The following SLC8A1 variants were observed in gnomAD, a reference collection of about 807,000 sequenced individuals.
SLC8A1 encodes the protein sodium/calcium exchanger 1.
A neutral mutation model predicts 68.3 loss-of-function variants in SLC8A1; 18 were observed. That is an observed-to-expected ratio of 0.26 (90% CI 0.18 to 0.39). SLC8A1 has a LOEUF of 0.39. SLC8A1 is among the 10% of genes least tolerant of loss of function. The pLI is 1.00. For missense variants in SLC8A1, 985 were observed against 1,156.7 expected (o/e 0.85, Z 2.15); for synonymous variants, 475 against 415.5 (o/e 1.14, Z -1.74).
intron 2 of SLC8A1, among the ~76,000 whole-genome samples, chr2:40,190,141 G>A (rs1029576282): frequency 6.6e-6 from 1 of 152,100 alleles, no homozygotes; most frequent in African/African-American, 2.4e-5. Context: ...TAAATCACTC[G>A]CAAATGCCAT....
At chr2:40,396,839 ATTCCAGTGATAATGACCTGAC>A (rs1261996405) in intron 2 of SLC8A1, among the ~76,000 whole-genome samples, 1 of 151,114 alleles carries the variant, frequency 6.6e-6, no homozygotes, top group African/African-American at 2.4e-5. Flanking sequence ...AATGACAATT[ATTCCAGTGATAATGACCTGAC>A]TTTTTGGGTT....
exon 8 of SLC8A1, chr2:40,111,522 T>G (rs1189524275): frequency 6.6e-6 from 1 of 152,150 alleles, no homozygotes; most frequent in Non-Finnish European, 1.5e-5. Context: ...AAAGTAGCAT[T>G]TACTTGTACA....
intron 1 of SLC8A1, among the ~76,000 whole-genome samples, chr2:40,431,152 C>A (rs1025843856): frequency 6.6e-6 from 1 of 152,052 alleles, no homozygotes; most frequent in African/African-American, 2.4e-5. Context: ...GCCTGTTTTT[C>A]TGCAGGCTGG....
chr2:40,455,152 C>T, upstream of SLC8A1, among the ~76,000 whole-genome samples: 1 of 152,122 alleles, frequency 6.6e-6, no homozygotes, highest in East Asian at 1.9e-4. Flanking sequence ...AAACTATTTC[C>T]TAGGAAACCT....
In SLC8A1 at chr2:40,420,294, C is replaced by T. The variant is rs185158329; in HGVS notation, c.1808+8179G>A. 1.6e-4 allele frequency among the ~76,000 whole-genome samples: 24 copies of T among 151,334 alleles called. No homozygotes were observed. The East Asian group carries it at 4.1e-3, about 26-fold the overall frequency. On this transcript the variant is annotated intron_variant, in intron 2 of 7. Transcript: ENST00000406785. ...TTTTAACCTCTTTTTAGTGCTGACA[C>T]AAGGTAATAGCATCCCCTGATACTA...
At chr2:40,152,218 A>C (rs540857544) in intron 6 of SLC8A1, among the ~76,000 whole-genome samples, 1 of 152,314 alleles carries the variant, frequency 6.6e-6, no homozygotes, top group East Asian at 1.9e-4. Context: ...TATTTCTTGA[A>C]AGGTACTTGA....
At chr2:40,158,982 C>T (rs144132373) in intron 6 of SLC8A1, among the ~76,000 whole-genome samples, 1 of 152,108 alleles carries the variant, frequency 6.6e-6, no homozygotes, top group Non-Finnish European at 1.5e-5. Flanking sequence ...TTAAAGCTGC[C>T]CTTTTCTATT....
upstream of SLC8A1, among the ~76,000 whole-genome samples, chr2:40,454,509 A>G (rs1249975152): frequency 7.8e-6 from 1 of 128,488 alleles, no homozygotes; most frequent in Non-Finnish European, 1.6e-5. Context: ...TGCTTTGACC[A>G]TTGAAACTGA....
intron 1 of SLC8A1, among the ~76,000 whole-genome samples, chr2:40,482,321 C>T (rs1396748575): frequency 6.6e-6 from 1 of 152,076 alleles, no homozygotes; most frequent in Non-Finnish European, 1.5e-5. Flanking sequence ...GCAGAACTGC[C>T]AGGGGAGGCT....
intron 2 of SLC8A1, among the ~76,000 whole-genome samples, chr2:40,419,922 T>C (rs140399494): frequency 6.6e-6 from 1 of 152,270 alleles, no homozygotes; most frequent in African/African-American, 2.4e-5. Flanking sequence ...AGACCAATAA[T>C]TTGCCGGCAA....
intron 2 of SLC8A1, among the ~76,000 whole-genome samples, chr2:40,348,883 A>G (rs1265439326): frequency 6.6e-6 from 1 of 152,196 alleles, no homozygotes; most frequent in African/African-American, 2.4e-5. Flanking sequence ...ATGGGCCTTC[A>G]TGTTGTTGTT....
chr2:40,445,330 T>A (rs1559713666), intron 1 of SLC8A1, among the ~76,000 whole-genome samples: 1 of 152,160 alleles, frequency 6.6e-6, no homozygotes, highest in Non-Finnish European at 1.5e-5. Flanking sequence ...GTCAGTATTC[T>A]CAAACTAGAT....
intron 7 of SLC8A1, among the ~76,000 whole-genome samples, chr2:40,133,712 C>T (rs115523221): frequency 1.8e-5 from 1 of 56,896 alleles, no homozygotes; most frequent in Non-Finnish European, 3.7e-5. Context: ...CCCCCCCCCC[C>T]ACCGACTCAT....
At chr2:40,368,406 CT>C (rs1655974237) in intron 2 of SLC8A1, among the ~76,000 whole-genome samples, 1 of 151,730 alleles carries the variant, frequency 6.6e-6, no homozygotes, top group South Asian at 2.1e-4. Flanking sequence ...TTTAATGAAC[CT>C]ATTTTAGTTT....
At position 40,247,465 on chromosome 2, in the gene SLC8A1, G is replaced by C. The variant is rs571935871; in HGVS notation, c.1809-69610C>G. 1.1e-3 allele frequency among the ~76,000 whole-genome samples: 171 copies of C among 152,016 alleles called. 1 individual carries two copies. Among genetic ancestry groups the C allele is most frequent in the African/African-American group, 3.5e-3 (147 of 41,440 alleles). On this transcript the variant is annotated intron_variant, in intron 2 of 7. Transcript: ENST00000406785. ...GTGTGTGTGTGTGTGTGGAGAGAGA[G>C]AGACAGATCTGAGGCATGGGTTTTA...
intron 1 of SLC8A1, among the ~76,000 whole-genome samples, chr2:40,466,282 A>G (rs1271925771): frequency 6.6e-6 from 1 of 152,204 alleles, no homozygotes; most frequent in Non-Finnish European, 1.5e-5. Flanking sequence ...TTAACAATAA[A>G]TAGGACTAAG....
rs370223854 is a variant in SLC8A1, at chr2:40,462,001, C to CTTTTTTTTTTTTTTTTT, written c.-24-31714_-24-31698dup. ...CCTCTCATTTTAAAGTAAAATCCTC[C>CTTTTTTTTTTTTTTTTT]TTTTTTTTTTTTTTTTTTTTTTTGA... On this transcript the variant is annotated intron_variant, in intron 1 of 7. Transcript: ENST00000402441. Among the ~76,000 whole-genome samples the CTTTTTTTTTTTTTTTTT allele has an allele frequency of 1.8e-3, 121 of 66,160 alleles. 15 individuals are homozygous for CTTTTTTTTTTTTTTTTT. Among genetic ancestry groups the CTTTTTTTTTTTTTTTTT allele is most frequent in the African/African-American group, 3.3e-3 (55 of 16,486 alleles). 43.4% of individuals were successfully genotyped at this position (66,160 alleles called of 152,430 possible).
chr2:40,243,448 A>C (rs1402003991), intron 2 of SLC8A1, among the ~76,000 whole-genome samples: 1 of 152,168 alleles, frequency 6.6e-6, no homozygotes, highest in Non-Finnish European at 1.5e-5. Flanking sequence ...ACCCCACTGT[A>C]CTCCAACCTT....
intron 2 of SLC8A1, among the ~76,000 whole-genome samples, chr2:40,219,632 TAA>T (rs1410366492): frequency 6.6e-6 from 1 of 152,194 alleles, no homozygotes; most frequent in Non-Finnish European, 1.5e-5. Flanking sequence ...ATTACAATTA[TAA>T]GTTTTTTTCT....
Sources: allele counts gnomAD v4.1 joint callset (sites outside exome capture counted in the v4.1 genomes callset), GRCh38; gene constraint gnomAD v4.1.1; transcripts MANE v1.5; gene names NCBI Gene and HGNC (gene_info 2026-07-23, HGNC 2026-07-21).